PORCN: variants seen among roughly 807,000 people sequenced by gnomAD.
PORCN encodes the protein porcupine O-acyltransferase.
PORCN carries 1 observed loss-of-function variant against 43.0 expected under a neutral mutation model. The ratio of observed to expected loss-of-function variants is 0.02; its 90% confidence interval spans 0.01 to 0.11. The LOEUF (loss-of-function observed/expected upper bound fraction) is 0.11. Among genes scored for constraint, PORCN ranks in the 10% least tolerant of loss-of-function variants. PORCN has a pLI of 1.00. For synonymous variants in PORCN, 148 were observed against 166.4 expected (o/e 0.89, Z 0.85); for missense variants, 240 against 392.1 (o/e 0.61, Z 3.28).
In PORCN at chrX:48,511,264, CTCTCCCTTTCTT is replaced by C; in HGVS notation, c.137-20_137-9del. On this transcript the variant is annotated intron_variant, in intron 2 of 14. Coordinates refer to ENST00000326194, the MANE Select transcript of PORCN (RefSeq NM_203475.3). ...TCTTTCTCTCTCTTTCTCGTTCTCTCTCTCCCTTTCTTTCTCCCTTTCACCCAAAGGGTTGCC... is the reference window on the plus strand; with the variant it reads ...TCTTTCTCTCTCTTTCTCGTTCTCTCTCTCCCTTTCACCCAAAGGGTTGCC... The C allele has an allele frequency of 1.1e-5, 11 of 998,847 alleles. No individual in the cohort carries two copies. Among genetic ancestry groups the C allele is most frequent in the Non-Finnish European group, 1.5e-5 (11 of 742,924 alleles). The allele number at this position is 998,847 out of a possible 1,213,427, so 82.3% of individuals were successfully genotyped here.
intron 1 of PORCN, chrX:48,509,444 C>T: frequency 2.3e-6 from 2 of 873,785 alleles, no homozygotes; most frequent in Non-Finnish European, 3.0e-6. Context: ...CCTTGGAAAC[C>T]AGGGATTCCC....
chrX:48,513,149 T>C (rs1300669365), intron 7 of PORCN, among the ~76,000 whole-genome samples: 2 of 112,690 alleles, frequency 1.8e-5, no homozygotes, highest in African/African-American at 6.4e-5. Flanking sequence ...CTTTAACCTG[T>C]CAGTGACTCT....
At chrX:48,512,099 C>A in intron 4 of PORCN, 164 bp downstream of exon 4, 2 of 544,994 alleles carry the variant, frequency 3.7e-6, no homozygotes, top group Non-Finnish European at 6.4e-6. Context: ...CTCTTTCCAC[C>A]GTGCATTTTC....
At chrX:48,518,993 T>A (rs60949129) in intron 14 of PORCN, among the ~76,000 whole-genome samples, 9,952 of 111,469 alleles carry the variant, frequency 0.089, 373 homozygotes, top group Middle Eastern at 0.16. Flanking sequence ...TGCTTCTTTT[T>A]AAATAAAGTT....
At chrX:48,513,208 G>A (rs930111124) in intron 7 of PORCN, among the ~76,000 whole-genome samples, 1 of 112,764 alleles carries the variant, frequency 8.9e-6, no homozygotes, top group Non-Finnish European at 1.9e-5. Flanking sequence ...ACTGACCCCC[G>A]AATGTAAGCC....
chrX:48,519,792 T>C (rs1251185497), intron 14 of PORCN, among the ~76,000 whole-genome samples: 2 of 112,091 alleles, frequency 1.8e-5, no homozygotes, highest in Non-Finnish European at 3.8e-5. Context: ...GGTCAGGAGT[T>C]CGAGACCAGC....
At chrX:48,509,652 C>T (rs1262911585) in intron 1 of PORCN, 132 bp from the exon 2 acceptor site, 5 of 1,146,179 alleles carry the variant, frequency 4.4e-6, no homozygotes, top group Non-Finnish European at 4.6e-6. Context: ...CTCACGCCTT[C>T]CCCCAGTCCT....
intron 7 of PORCN, among the ~76,000 whole-genome samples, chrX:48,513,622 T>C (rs2061692152): frequency 8.9e-6 from 1 of 112,589 alleles, no homozygotes. Context: ...CAGGCATGAA[T>C]CCCAGGCCTA....
At chrX:48,519,084 T>G (rs1209244885) in intron 14 of PORCN, among the ~76,000 whole-genome samples, 1 of 111,529 alleles carries the variant, frequency 9.0e-6, no homozygotes, top group African/African-American at 3.3e-5. Context: ...TTCAAGATAT[T>G]TAGAGAAAAG....
rs1388436246 is a variant in PORCN, at chrX:48,515,826, C to T, written c.1023+33C>T. 6.7e-6 allele frequency: 6 copies of T among 893,238 alleles called. No homozygotes were observed. In the African/African-American group the frequency reaches 1.2e-4, roughly 18 times the overall value. 73.6% of individuals were successfully genotyped at this position (893,238 alleles called of 1,213,427 possible). ...GGGTGGAGCAGGATCAGGGTGGAAG[C>T]TGGGTGGGGGCGGGTGGCAGGGCCT... is the stretch of plus-strand genomic sequence containing the variant. On this transcript the variant is annotated intron_variant, in intron 11 of 14. Coordinates refer to ENST00000326194, the MANE Select transcript of PORCN (RefSeq NM_203475.3).
At chrX:48,510,554 C>T (rs973196859) in intron 2 of PORCN, among the ~76,000 whole-genome samples, 3 of 111,489 alleles carry the variant, frequency 2.7e-5, no homozygotes, top group East Asian at 2.8e-4. Flanking sequence ...ATCTGAGATC[C>T]GAAGGTTCTA....
intron 7 of PORCN, 56 bp downstream of exon 7, chrX:48,512,908 G>C: frequency 5.1e-6 from 6 of 1,182,633 alleles, no homozygotes; most frequent in Non-Finnish European, 6.9e-6. Flanking sequence ...AGTGGGGGCA[G>C]AGCCCATGAC....
rs1556973524 is a variant in PORCN, at chrX:48,509,920, G to C, written c.100G>C (p.Ala34Pro). The C allele has an allele frequency of 8.3e-7, 1 of 1,211,306 alleles. No homozygotes were observed. ...CCTTGACCAGATCTGGCTGCTCCTT[G>C]CCATCTGCCTCGCCTGCCGCCTCCT... ...QGLDQIWLLL[A>P]ICLACRLLWR... Residue 34 changes from alanine to proline, a missense_variant, in exon 2 of 15, where the codon GCC becomes CCC. Ala to Pro is a conservative substitution (Grantham distance 27, BLOSUM62 -1). Coordinates refer to ENST00000326194, the MANE Select transcript of PORCN (RefSeq NM_203475.3).
rs2061711859 is a variant in PORCN, at chrX:48,515,784, C to G, written c.1014C>G (p.Ala338=). Residue 338 remains alanine (A), a synonymous_variant, in exon 11 of 15, where the codon GCC becomes GCG. Coordinates refer to ENST00000326194, the MANE Select transcript of PORCN (RefSeq NM_203475.3). The part of the protein sequence containing the change: ...SAVLVTYAAS[A]LLHGFSFHLA... ...TGCTGGTCACCTATGCAGCCAGCGC[C>G]CTCCTACATGTGAGCAGGGTGGAGC... 1 of 1,206,876 alleles carries G rather than the reference C, an allele frequency of 8.3e-7. No individual in the cohort carries two copies. Among genetic ancestry groups the G allele is most frequent in the Non-Finnish European group, 1.1e-6 (1 of 893,672 alleles).
intron 1 of PORCN, 49 bp downstream of exon 1, chrX:48,509,152 C>T (rs12559784): frequency 0.37 from 53,070 of 142,458 alleles, 7,926 homozygotes; most frequent in African/African-American, 0.52. Flanking sequence ...CATCCCTGGG[C>T]CGGCCTCCCC....
chrX:48,517,417 C>T (rs2061726735), intron 14 of PORCN, 124 bp downstream of exon 14: 2 of 505,998 alleles, frequency 4.0e-6, no homozygotes, highest in South Asian at 5.7e-5. Context: ...TTCGCCTGGG[C>T]AGCCAGTGCT....
chrX:48,520,626 T>G lies in PORCN; in HGVS notation c.*150T>G. The G allele has an allele frequency of 4.1e-6, 2 of 490,187 alleles. No homozygotes were observed. The highest frequency in any genetic ancestry group is 3.7e-5 in the East Asian group (1 of 26,965). 40.4% of individuals were successfully genotyped at this position (490,187 alleles called of 1,213,427 possible). ...CACACACACACACACACACACAAAA[T>G]CACACCATTTTCATGCCTGTCAATC... is the stretch of plus-strand genomic sequence containing the variant. On this transcript the variant is annotated 3_prime_UTR_variant, in exon 15 of 15. Transcript: ENST00000326194.
At chrX:48,513,710 T>G (rs903272880) in intron 7 of PORCN, among the ~76,000 whole-genome samples, 4 of 111,188 alleles carry the variant, frequency 3.6e-5, no homozygotes, top group Non-Finnish European at 5.7e-5. Flanking sequence ...GTAGGGGGGG[T>G]GTGTGTGTGC....
chrX:48,516,679 G>A (rs1354277944), intron 13 of PORCN, among the ~76,000 whole-genome samples: 2 of 110,501 alleles, frequency 1.8e-5, no homozygotes, highest in African/African-American at 6.6e-5. Flanking sequence ...GAGACACCCA[G>A]TGGAAAGGCC....
Sources: gnomAD v4.1 joint callset for allele counts (sites outside exome capture counted in the v4.1 genomes callset) on GRCh38, gnomAD v4.1.1 for gene constraint, MANE v1.5 for transcripts, NCBI Gene and HGNC (gene_info 2026-07-23, HGNC 2026-07-21) for gene names.